GRID2IP: variants seen among roughly 807,000 people sequenced by gnomAD.
GRID2IP encodes delphilin.
A neutral mutation model predicts 114.3 loss-of-function variants in GRID2IP; 78 were observed. The observed-to-expected ratio is 0.68, with a 90% CI of 0.57 to 0.82. GRID2IP has a LOEUF of 0.82. Among genes scored for constraint, GRID2IP ranks in the 40% least tolerant of loss-of-function variants. The pLI is 0.00. For missense variants in GRID2IP, 1,727 were observed against 1,678.5 expected, an observed-to-expected ratio of 1.03 and a Z score of -0.51; for synonymous variants, 809 against 724.0, an observed-to-expected ratio of 1.12 and a Z score of -1.89.
intron 18 of GRID2IP, among the ~76,000 whole-genome samples, chr7:6,502,457 C>T (rs1005993169): frequency 1.3e-5 from 2 of 152,098 alleles, no homozygotes; most frequent in Non-Finnish European, 2.9e-5. Flanking sequence ...CTCAAGTGAT[C>T]CTCTCACCTT....
chr7:6,526,691 T>G lies in GRID2IP; in HGVS notation c.663A>C (p.Ala221=), dbSNP rs2881723. 1,269,153 of 1,487,732 alleles carry G rather than the reference T, an allele frequency of 0.85. 546,440 individuals carry two copies. Among genetic ancestry groups the G allele is most frequent in the Non-Finnish European group, 0.88 (985,138 of 1,121,068 alleles). 92.2% of individuals were successfully genotyped at this position (1,487,732 alleles called of 1,614,324 possible). A position where few individuals can be genotyped will look rare whatever the true frequency, so the allele number is the denominator to read the frequency against. Residue 221 remains alanine (A), a synonymous_variant, in exon 3 of 22, where the codon GCA becomes GCC. Transcript: ENST00000457091. This position sits in a 1 kb window ranked among gnomAD's most constrained non-coding sequence, Gnocchi z 7.6. ...GTCGCTGCGCGCCCTGGGCCCGGCG[T>G]GCGCGGCACAGCTTGCCCAGGAGGC... is the stretch of plus-strand genomic sequence containing the variant. ...SQGLLGKLCR[A]RRAQGAQRLR... is the part of the protein sequence containing the mutation.
At chr7:6,538,940 A>C (rs1279175657) in intron 2 of GRID2IP, among the ~76,000 whole-genome samples, 1 of 152,146 alleles carries the variant, frequency 6.6e-6, no homozygotes, top group African/African-American at 2.4e-5. Context: ...AAAGGAAATC[A>C]AAGGGCCAAG....
chr7:6,537,058 T>A (rs1304970456), intron 2 of GRID2IP, among the ~76,000 whole-genome samples: 2 of 151,624 alleles, frequency 1.3e-5, no homozygotes, highest in African/African-American at 4.8e-5. Flanking sequence ...GGAGGAGCAG[T>A]CGCAGGCCCA....
intron 9 of GRID2IP, 38 bp from the exon 10 acceptor site, chr7:6,510,744 A>G (rs80025143): frequency 0.047 from 71,096 of 1,527,708 alleles, 1,897 homozygotes; most frequent in Middle Eastern, 0.087. Flanking sequence ...TCTGAGCTCT[A>G]CGGCTCAGGC....
rs982776265 is a variant in GRID2IP at position 6,520,199 on chromosome 7, G to A, written c.1268+379C>T. Among the ~76,000 whole-genome samples the A allele has an allele frequency of 4.5e-4, 69 of 152,074 alleles. No individual in the cohort carries two copies. The highest frequency in any genetic ancestry group is 1.5e-5 in the Non-Finnish European group (1 of 68,032). On this transcript the variant is annotated intron_variant, in intron 7 of 21. Transcript: ENST00000457091. The surrounding 1 kb of genome is among the most constrained non-coding windows in gnomAD (Gnocchi z 4.6). ...TCCCAGCTACTCGGAGGCTGAGGCAGAAGAATCGCTTGAACCCAGGAGGCG... is the reference window on the plus strand; with the variant it reads ...TCCCAGCTACTCGGAGGCTGAGGCAAAAGAATCGCTTGAACCCAGGAGGCG...
In GRID2IP at chr7:6,509,615, G is replaced by T. The variant is rs1043581568; in HGVS notation, c.1772-302C>A. 6.6e-6 allele frequency among the ~76,000 whole-genome samples: 1 copy of T among 152,270 alleles called. No homozygotes were observed. Among genetic ancestry groups the T allele is most frequent in the East Asian group, 1.9e-4 (1 of 5,176 alleles). On this transcript the variant is annotated intron_variant, in intron 11 of 21. Coordinates refer to ENST00000457091, the MANE Select transcript of GRID2IP (RefSeq NM_001145118.2). The surrounding 1 kb of genome is among the most constrained non-coding windows in gnomAD (Gnocchi z 4.9). ...CACCATTAACTCAAAGGGTGGAGGG[G>T]TTTCTCTAGGGCCCAGAGCCACAGT... is the stretch of plus-strand genomic sequence containing the variant.
intron 20 of GRID2IP, 147 bp downstream of exon 20, chr7:6,501,634 T>G: frequency 1.5e-6 from 1 of 670,462 alleles, no homozygotes; most frequent in Non-Finnish European, 2.7e-6. Flanking sequence ...GGATAGAGCC[T>G]CTTCCAGGAC....
At chr7:6,515,738 T>G (rs771085576) in intron 7 of GRID2IP, among the ~76,000 whole-genome samples, 4 of 150,430 alleles carry the variant, frequency 2.7e-5, no homozygotes, top group Non-Finnish European at 4.4e-5. Flanking sequence ...GAGCCAAGAT[T>G]GCGCCACTAC....
rs1247477167 is a variant in GRID2IP, at chr7:6,520,261, C to T, written c.1268+317G>A. Reference sequence around the variant, plus strand: ...GAGCCAAGATCTCATCATTGCACTCCAGCTGGGTGATAGAGCGAGACTCCA... The same window carrying T: ...GAGCCAAGATCTCATCATTGCACTCTAGCTGGGTGATAGAGCGAGACTCCA... On this transcript the variant is annotated intron_variant, in intron 7 of 21. Transcript: ENST00000457091. This position sits in a 1 kb window ranked among gnomAD's most constrained non-coding sequence, Gnocchi z 4.6. 6.6e-6 allele frequency among the ~76,000 whole-genome samples: 1 copy of T among 151,386 alleles called. No homozygotes were observed. Among genetic ancestry groups the T allele is most frequent in the East Asian group, 1.9e-4 (1 of 5,170 alleles).
intron 20 of GRID2IP, among the ~76,000 whole-genome samples, chr7:6,500,868 A>G (rs1262815891): frequency 6.6e-6 from 1 of 152,076 alleles, no homozygotes; most frequent in Non-Finnish European, 1.5e-5. Flanking sequence ...CCCTGTTTGG[A>G]GGCTCAGTGG....
In GRID2IP at chr7:6,551,029, C is replaced by T. The variant is rs1481445099; in HGVS notation, c.408G>A (p.Lys136=). The T allele has an allele frequency of 6.3e-6, 8 of 1,274,490 alleles. 1 individual carries two copies. In the South Asian group the frequency reaches 1.6e-4, roughly 25 times the overall value. The allele number at this position is 1,274,490 out of a possible 1,614,324, so 78.9% of individuals were successfully genotyped here. A position where few individuals can be genotyped will look rare whatever the true frequency, so the allele number is the denominator to read the frequency against. Residue 136 remains lysine (K), a synonymous_variant, in exon 1 of 22, where the codon AAG becomes AAA. Coordinates refer to ENST00000457091, the MANE Select transcript of GRID2IP (RefSeq NM_001145118.2). ...TTACCTTGCGGCTGAACTCTTGGGC[C>T]TTGCGCCTGCGCTCTCGGTGCACCG... The part of the protein sequence containing the change: ...PDAVHRERRR[K]AQEFSRKVDE...
Position 6,521,501 on chromosome 7 carries a change from C to G in GRID2IP, c.1012G>C (p.Val338Leu). 1 of 1,549,190 alleles carries G rather than the reference C, an allele frequency of 6.5e-7. No homozygotes were observed. The change falls in exon 6 of 22, where the codon GTG becomes CTG. Residue 338 changes from valine to leucine, a missense_variant. Physicochemically the swap from Val to Leu is conservative, Grantham distance 32. Transcript: ENST00000457091. This position sits in a 1 kb window ranked among gnomAD's most constrained non-coding sequence, Gnocchi z 4.1. The part of the protein sequence containing the change: ...DMRNCSHDKV[V>L]SMLQGSGAMP... The stretch of plus-strand genomic sequence containing the variant: ...GCACCACTGCCCTGCAGCATGGACA[C>G]CACCTTGTCGTGGGAGCAGTTCCTG...
At chr7:6,515,648 T>C (rs1314308598) in intron 7 of GRID2IP, among the ~76,000 whole-genome samples, 1 of 151,438 alleles carries the variant, frequency 6.6e-6, no homozygotes, top group African/African-American at 2.4e-5. Context: ...CATGTTGGTG[T>C]GCACCTGTAA....
At chr7:6,541,797 C>A (rs371762544) in intron 1 of GRID2IP, among the ~76,000 whole-genome samples, 2 of 152,148 alleles carry the variant, frequency 1.3e-5, no homozygotes, top group Non-Finnish European at 2.9e-5. Flanking sequence ...CATCCTTCTA[C>A]CCAATGATCT....
intron 1 of GRID2IP, among the ~76,000 whole-genome samples, chr7:6,549,799 T>C (rs1219957452): frequency 2.6e-5 from 4 of 151,576 alleles, no homozygotes; most frequent in Admixed American, 1.3e-4. Context: ...TTTTTTTTTT[T>C]TTTATATTTT....
intron 2 of GRID2IP, among the ~76,000 whole-genome samples, chr7:6,533,435 T>C (rs953206023): frequency 6.6e-6 from 1 of 152,092 alleles, no homozygotes; most frequent in Non-Finnish European, 1.5e-5. Context: ...CATGAATCAC[T>C]GCAGCCTCAA....
chr7:6,547,822 C>G (rs1295170153), intron 1 of GRID2IP, among the ~76,000 whole-genome samples: 1 of 152,124 alleles, frequency 6.6e-6, no homozygotes, highest in Non-Finnish European at 1.5e-5. Flanking sequence ...CTGGACCAAG[C>G]TTGGGCACTG....
chr7:6,499,962 C>T (rs1786366066), intron 20 of GRID2IP, among the ~76,000 whole-genome samples: 1 of 151,832 alleles, frequency 6.6e-6, no homozygotes, highest in Non-Finnish European at 1.5e-5. Flanking sequence ...AACTCCTGGC[C>T]TCAAGCAATC....
intron 8 of GRID2IP, among the ~76,000 whole-genome samples, chr7:6,512,498 G>A (rs948527618): frequency 4.0e-5 from 6 of 151,044 alleles, no homozygotes; most frequent in South Asian, 2.1e-4. Context: ...ATACCACCAC[G>A]CCTGGCTAAT....
Sources: gnomAD v4.1 joint callset for allele counts (sites outside exome capture counted in the v4.1 genomes callset) on GRCh38, gnomAD v4.1.1 for gene constraint, Gnocchi (gnomAD v3.1) non-coding constraint, MANE v1.5 for transcripts, NCBI Gene and HGNC (gene_info 2026-07-23, HGNC 2026-07-21) for gene names.